Variants in CEP128 observed in about 807,000 individuals in gnomAD.
CEP128 encodes the protein centrosomal protein 128kDa.
Under a neutral mutation model 156.7 loss-of-function variants are expected in CEP128, and 132 were observed. The ratio of observed to expected loss-of-function variants is 0.84; its 90% CI spans 0.73 to 0.97. CEP128 has a LOEUF of 0.97. CEP128 is among the 50% of genes least tolerant of loss of function. CEP128 has a pLI of 0.00. For missense variants in CEP128, 1,252 were observed against 1,281.9 expected (o/e 0.98, Z 0.36); for synonymous variants, 469 against 448.9 (o/e 1.04, Z -0.57).
intron 18 of CEP128, among the ~76,000 whole-genome samples, chr14:80,750,988 C>T (rs1197978109): frequency 2.6e-5 from 4 of 152,146 alleles, no homozygotes; most frequent in Admixed American, 6.5e-5. Flanking sequence ...GCAGAACTCT[C>T]TTTCTCTTCC....
chr14:80,621,616 T>G (rs1393209528), intron 19 of CEP128, among the ~76,000 whole-genome samples: 4 of 152,142 alleles, frequency 2.6e-5, no homozygotes, highest in Admixed American at 2.0e-4. Flanking sequence ...ATTAGAAAAT[T>G]AGAAAGACTA....
chr14:80,619,752 A>T (rs1893398128), intron 19 of CEP128, among the ~76,000 whole-genome samples: 2 of 152,024 alleles, frequency 1.3e-5, no homozygotes, highest in Admixed American at 1.3e-4. Flanking sequence ...AACATAAAAA[A>T]TAACTTCTGG....
intron 20 of CEP128, among the ~76,000 whole-genome samples, chr14:80,565,483 G>A (rs1251731851): frequency 2.0e-5 from 3 of 152,130 alleles, no homozygotes; most frequent in Non-Finnish European, 4.4e-5. Flanking sequence ...CCAGCTCTGC[G>A]TGAATTACTC....
intron 21 of CEP128, among the ~76,000 whole-genome samples, chr14:80,543,734 A>G (rs1209474201): frequency 6.6e-6 from 1 of 152,210 alleles, no homozygotes; most frequent in Non-Finnish European, 1.5e-5. Context: ...AAAGCCATGC[A>G]TTCATTCAAC....
chr14:80,686,050 G>A (rs1052137258), intron 19 of CEP128, among the ~76,000 whole-genome samples: 5 of 151,988 alleles, frequency 3.3e-5, no homozygotes, highest in South Asian at 2.1e-4. Context: ...TCAACCTTGG[G>A]AAGGAATTTA....
At chr14:80,597,022 A>C (rs202226977) in intron 19 of CEP128, among the ~76,000 whole-genome samples, 39 of 149,328 alleles carry the variant, frequency 2.6e-4, no homozygotes, top group Admixed American at 2.4e-3. Flanking sequence ...TTAAAAAAAA[A>C]CAAAAAACCA....
In CEP128 at chr14:80,909,270, T is replaced by C. The variant is rs58040173; in HGVS notation, c.235-3189A>G. 9.5e-3 allele frequency among the ~76,000 whole-genome samples: 1,445 copies of C among 152,158 alleles called. 30 individuals are homozygous for C. The highest frequency in any genetic ancestry group is 0.032 in the African/African-American group (1,322 of 41,508). On this transcript the variant is annotated intron_variant, in intron 4 of 24. Transcript: ENST00000555265. ...AGAGTTGATCTGAAATAATCTTACC[T>C]ACCAATGCCAAAAGCAGATCTTGCC... is the stretch of plus-strand genomic sequence containing the variant.
chr14:80,845,781 T>C (rs990760150), intron 9 of CEP128, among the ~76,000 whole-genome samples: 2 of 152,120 alleles, frequency 1.3e-5, no homozygotes, highest in African/African-American at 4.8e-5. Context: ...AGCAAAACGG[T>C]TTTTGTTTGT....
chr14:80,531,072 T>C lies in CEP128; in HGVS notation c.2881-186A>G, dbSNP rs958935364. On this transcript the variant is annotated intron_variant, in intron 21 of 24. Coordinates refer to ENST00000555265, the MANE Select transcript of CEP128 (RefSeq NM_152446.5). ...GTATCTTTTGAAAATAGAAGAATTA[T>C]TTCCTTTTAAAAAGTATATGAGATG... The C allele has an allele frequency of 1.5e-5, 5 of 329,842 alleles. 1 individual carries two copies. Among genetic ancestry groups the C allele is most frequent in the Non-Finnish European group, 2.8e-5 (5 of 180,302 alleles). 20.4% of individuals were successfully genotyped at this position (329,842 alleles called of 1,614,324 possible).
At chr14:80,753,585 A>C (rs139607188) in intron 18 of CEP128, among the ~76,000 whole-genome samples, 1 of 152,254 alleles carries the variant, frequency 6.6e-6, no homozygotes, top group Non-Finnish European at 1.5e-5. Context: ...GCTAGATTTG[A>C]CATGTTATCC....
chr14:80,743,954 C>A (rs908810052), intron 18 of CEP128, among the ~76,000 whole-genome samples: 2 of 151,708 alleles, frequency 1.3e-5, no homozygotes, highest in Non-Finnish European at 2.9e-5. Flanking sequence ...TCACTGTAGC[C>A]TTGACTTCCT....
intron 19 of CEP128, among the ~76,000 whole-genome samples, chr14:80,657,041 C>T (rs975548955): frequency 2.0e-5 from 3 of 152,016 alleles, no homozygotes; most frequent in East Asian, 1.9e-4. Flanking sequence ...GGGTGGATCA[C>T]GAAGTCAGGT....
intron 23 of CEP128, among the ~76,000 whole-genome samples, chr14:80,526,533 T>C (rs1888980370): frequency 6.6e-6 from 1 of 151,974 alleles, no homozygotes; most frequent in South Asian, 2.1e-4. Flanking sequence ...CAGCTAGACT[T>C]ATACATAGAA....
chr14:80,557,697 TGG>T (rs1287622170), intron 21 of CEP128, among the ~76,000 whole-genome samples: 1 of 152,214 alleles, frequency 6.6e-6, no homozygotes, highest in Admixed American at 6.5e-5. Flanking sequence ...CCATAGGGTC[TGG>T]ACATCGTCAA....
intron 19 of CEP128, among the ~76,000 whole-genome samples, chr14:80,666,471 C>T (rs1262756458): frequency 6.6e-6 from 1 of 152,122 alleles, no homozygotes; most frequent in Non-Finnish European, 1.5e-5. Flanking sequence ...GGTCATGGGC[C>T]CCTTCCCCAG....
chr14:80,553,694 C>T (rs1048887554), intron 21 of CEP128, among the ~76,000 whole-genome samples: 1 of 152,056 alleles, frequency 6.6e-6, no homozygotes, highest in Non-Finnish European at 1.5e-5. Flanking sequence ...TTTTTTGTTA[C>T]TTTTGCATGG....
intron 2 of CEP128, among the ~76,000 whole-genome samples, chr14:80,935,658 A>AAAC (rs1555364949): frequency 6.8e-6 from 1 of 146,628 alleles, no homozygotes; most frequent in African/African-American, 2.5e-5. Context: ...AAAAAAAAAA[A>AAAC]AAAAAAAAAA....
At position 80,902,777 on chromosome 14, in the gene CEP128, C is replaced by G. The variant is rs1883652278; in HGVS notation, c.480+2036G>C. 2.0e-5 allele frequency among the ~76,000 whole-genome samples: 3 copies of G among 152,088 alleles called. No individual in the cohort carries two copies. The South Asian group carries it at 6.2e-4, about 32-fold the overall frequency. ...ACTAATGGTAGAAAAATCAGTAGAT[C>G]AATCACACAAAGATTAACTTGTTCA... On this transcript the variant is annotated intron_variant, in intron 6 of 24. Transcript: ENST00000555265.
intron 13 of CEP128, among the ~76,000 whole-genome samples, chr14:80,809,814 A>G (rs1429680445): frequency 1.3e-5 from 2 of 152,114 alleles, no homozygotes; most frequent in Non-Finnish European, 2.9e-5. Context: ...GGAATTCAAA[A>G]CCACTACACC....
Sources: allele counts gnomAD v4.1 joint callset (sites outside exome capture counted in the v4.1 genomes callset), GRCh38; gene constraint gnomAD v4.1.1; transcripts MANE v1.5; gene names NCBI Gene and HGNC (gene_info 2026-07-23, HGNC 2026-07-21).